MIDEAS: variants seen among roughly 807,000 people sequenced by gnomAD.
MIDEAS encodes the protein mitotic deacetylase-associated SANT domain protein.
In MIDEAS, 26 loss-of-function variants were observed where a neutral mutation model predicts 102.7. That is an observed-to-expected ratio of 0.25 (90% CI 0.19 to 0.35). The LOEUF (loss-of-function observed/expected upper bound fraction) is 0.35, where lower values mean the gene tolerates loss of function less well. MIDEAS is among the 10% of genes least tolerant of loss of function. MIDEAS has a pLI of 1.00. For synonymous variants in MIDEAS, 585 were observed against 591.0 expected (o/e 0.99, Z 0.15); for missense variants, 1,231 against 1,435.6 (o/e 0.86, Z 2.30).
intron 5 of MIDEAS, 47 bp from the exon 6 acceptor site, chr14:73,727,019 C>T (rs762610511): frequency 2.3e-5 from 36 of 1,544,870 alleles, no homozygotes; most frequent in Admixed American, 1.7e-4. Flanking sequence ...CTTGCGGGGA[C>T]GGAGAACTTG....
upstream of MIDEAS, among the ~76,000 whole-genome samples, chr14:73,762,054 G>A (rs1415260998): frequency 2.0e-5 from 3 of 152,208 alleles, no homozygotes; most frequent in Non-Finnish European, 4.4e-5. Flanking sequence ...ATCCAAGTGA[G>A]GGAAGCAAAA....
At chr14:73,753,101 A>C (rs2053440378) in intron 1 of MIDEAS, among the ~76,000 whole-genome samples, 1 of 152,244 alleles carries the variant, frequency 6.6e-6, no homozygotes, top group South Asian at 2.1e-4. Flanking sequence ...CACTAAGCTG[A>C]AACCAAGCCT....
upstream of MIDEAS, among the ~76,000 whole-genome samples, chr14:73,761,314 G>A (rs2053552764): frequency 6.6e-6 from 1 of 152,146 alleles, no homozygotes; most frequent in African/African-American, 2.4e-5. Context: ...GGGCCTACAG[G>A]GCCAGGGTGG....
At chr14:73,781,565 T>C (rs1251603038) in intron 1 of MIDEAS, among the ~76,000 whole-genome samples, 2 of 151,412 alleles carry the variant, frequency 1.3e-5, no homozygotes, top group African/African-American at 4.9e-5. Flanking sequence ...AGAAACCCTG[T>C]CTCTACTAAA....
rs775296143 is a variant in MIDEAS, at chr14:73,739,863, T to C, written c.146A>G (p.His49Arg). 3 of 1,593,152 alleles carry C rather than the reference T, an allele frequency of 1.9e-6. No individual in the cohort carries two copies. The highest frequency in any genetic ancestry group is 3.4e-5 in the Admixed American group (2 of 58,272). Residue 49 changes from histidine to arginine, a missense_variant, in exon 2 of 13, where the codon CAC becomes CGC. Coordinates refer to ENST00000423556, the MANE Select transcript of MIDEAS (RefSeq NM_001367710.1). ...IRVKEEQYLG[H>R]EGPGGAVSTS... ...GGAGACTGCCCCTCCTGGACCCTCG[T>C]GCCCGAGGTACTGCTCCTCCTTCAC...
chr14:73,754,360 G>A (rs1451393625), intron 1 of MIDEAS, among the ~76,000 whole-genome samples: 3 of 152,170 alleles, frequency 2.0e-5, no homozygotes, highest in African/African-American at 7.2e-5. Flanking sequence ...CCCAACCACA[G>A]GACTCACTCA....
chr14:73,721,584 G>C (rs915738566), intron 10 of MIDEAS, 75 bp from the exon 11 acceptor site: 4 of 1,413,244 alleles, frequency 2.8e-6, no homozygotes, highest in Non-Finnish European at 2.0e-6. Context: ...TGACCCGGCC[G>C]GGGGGTTCAC....
At chr14:73,763,933 C>CA (rs935219945), upstream of MIDEAS, among the ~76,000 whole-genome samples, 17 of 152,084 alleles carry the variant, frequency 1.1e-4, no homozygotes, top group Non-Finnish European at 2.4e-4. Context: ...ATCAAAAGGA[C>CA]AAAAAACTGC....
intron 1 of MIDEAS, among the ~76,000 whole-genome samples, chr14:73,779,394 CAAAAA>C (rs35902307): frequency 1.9e-5 from 2 of 104,182 alleles, no homozygotes; most frequent in African/African-American, 7.2e-5. Flanking sequence ...GATTCCATCT[CAAAAA>C]AAAAAAAAAA....
rs1219210523 is a variant in MIDEAS, at chr14:73,719,377, T to C, written c.3062A>G (p.Lys1021Arg). The stretch of plus-strand genomic sequence containing the variant: ...ACTGAATGTCTCTGTTTTTTTCTTC[T>C]TCTCTGAAAAAGGTAGTGCCCTTCG... Reference protein sequence around the residue: ...KSRRALPFSEKKKKTETFSKT... With the variant: ...KSRRALPFSERKKKTETFSKT... The change falls in exon 12 of 13, where the codon AAG becomes AGG. Residue 1021 changes from lysine (K) to arginine (R), a missense_variant. Physicochemically the swap from Lys to Arg is conservative, Grantham distance 26. Coordinates refer to ENST00000423556, the MANE Select transcript of MIDEAS (RefSeq NM_001367710.1). 3.1e-6 allele frequency: 5 copies of C among 1,614,006 alleles called. No individual in the cohort carries two copies. Among genetic ancestry groups the C allele is most frequent in the Admixed American group, 1.7e-5 (1 of 60,014 alleles).
chr14:73,730,178 T>C (rs1005107617), intron 3 of MIDEAS, 193 bp from the exon 4 acceptor site: 3 of 720,834 alleles, frequency 4.2e-6, no homozygotes, highest in Non-Finnish European at 7.7e-6. Flanking sequence ...AGCAAACTTT[T>C]TCTGTAAGGG....
chr14:73,718,357 G>C lies in MIDEAS; in HGVS notation c.*486C>G, dbSNP rs1308953266. The stretch of plus-strand genomic sequence containing the variant: ...AGAGAAGCCCGCAGACTCCCTCCAA[G>C]AGTTTCTTTTTCTGGGGCTTGGGGC... On this transcript the variant is annotated 3_prime_UTR_variant, in exon 13 of 13. Transcript: ENST00000423556. The C allele has an allele frequency of 6.5e-6, 1 of 153,022 alleles. No individual in the cohort carries two copies. Among genetic ancestry groups the C allele is most frequent in the Non-Finnish European group, 1.5e-5 (1 of 68,652 alleles). 9.5% of individuals were successfully genotyped at this position (153,022 alleles called of 1,614,324 possible). A position where few individuals can be genotyped will look rare whatever the true frequency, so the allele number is the denominator to read the frequency against.
upstream of MIDEAS, chr14:73,789,245 C>G (rs1044723718): frequency 1.3e-5 from 2 of 151,750 alleles, no homozygotes; most frequent in African/African-American, 2.4e-5. Context: ...AAAAAAAATG[C>G]GGCTTCCATA....
intron 1 of MIDEAS, among the ~76,000 whole-genome samples, chr14:73,747,110 G>A (rs2053362217): frequency 6.6e-6 from 1 of 152,162 alleles, no homozygotes; most frequent in Non-Finnish European, 1.5e-5. Flanking sequence ...ACCTCCTCCA[G>A]CTGGCCCTCC....
chr14:73,770,342 G>A (rs75290636), intron 1 of MIDEAS, among the ~76,000 whole-genome samples: 284 of 147,572 alleles, frequency 1.9e-3, no homozygotes, highest in African/African-American at 6.5e-3. Flanking sequence ...TAACAGTAAC[G>A]ACGGTGATGA....
In MIDEAS at chr14:73,727,233, C is replaced by CT. The variant is rs2053074357; in HGVS notation, c.2162+224dup. ...CCTCTGGACCCCCCTTTCAACTCTCCTAGAGATAAGTTCAAGCTGAGCCGG... is the reference window on the plus strand; with the variant it reads ...CCTCTGGACCCCCCTTTCAACTCTCCTTAGAGATAAGTTCAAGCTGAGCCGG... On this transcript the variant is annotated intron_variant, in intron 5 of 12. Transcript: ENST00000423556. 1.6e-5 allele frequency: 10 copies of CT among 632,426 alleles called. No homozygotes were observed. In the South Asian group the frequency reaches 2.0e-4, roughly 12 times the overall value. The allele number at this position is 632,426 out of a possible 1,614,324, so 39.2% of individuals were successfully genotyped here.
In MIDEAS at chr14:73,721,406, T is replaced by C; in HGVS notation, c.2828A>G (p.Glu943Gly). Residue 943 changes from glutamate to glycine, a missense_variant, in exon 11 of 13, where the codon GAG becomes GGG. Glu to Gly is a moderately conservative substitution (Grantham distance 98, BLOSUM62 -2). Coordinates refer to ENST00000423556, the MANE Select transcript of MIDEAS (RefSeq NM_001367710.1). ...REVKEPRKEG[E>G]EEVPEIQEKE... Reference sequence around the variant, plus strand: ...CTCTTGGATCTCTGGCACCTCCTCCTCCCCCTCCTTCCTGGGCTCCTTCAC... The same window carrying C: ...CTCTTGGATCTCTGGCACCTCCTCCCCCCCCTCCTTCCTGGGCTCCTTCAC... 1.2e-6 allele frequency: 2 copies of C among 1,613,952 alleles called. No individual in the cohort carries two copies. The highest frequency in any genetic ancestry group is 1.7e-6 in the Non-Finnish European group (2 of 1,179,978).
upstream of MIDEAS, among the ~76,000 whole-genome samples, chr14:73,788,495 C>T (rs1035082690): frequency 1.3e-5 from 2 of 152,208 alleles, no homozygotes; most frequent in African/African-American, 4.8e-5. Context: ...TGGAAAGCCA[C>T]AGACTCACCC....
chr14:73,724,950 G>T, intron 9 of MIDEAS: 1 of 253,536 alleles, frequency 3.9e-6, no homozygotes, highest in Non-Finnish European at 8.0e-6. Context: ...TTCCTCTGGG[G>T]AATGGCTCAC....
Sources: gnomAD v4.1 joint callset for allele counts (sites outside exome capture counted in the v4.1 genomes callset) on GRCh38, gnomAD v4.1.1 for gene constraint, MANE v1.5 for transcripts, NCBI Gene and HGNC (gene_info 2026-07-23, HGNC 2026-07-21) for gene names.